Variants in TAFA4 observed in about 807,000 individuals in gnomAD.
TAFA4 encodes the protein chemokine-like protein TAFA-4.
A neutral mutation model predicts 21.1 loss-of-function variants in TAFA4; 20 were observed. The observed-to-expected ratio is 0.95, with a 90% CI of 0.67 to 1.38. TAFA4 has a LOEUF of 1.38. Ranked by LOEUF, TAFA4 falls within the 40% of genes most tolerant of loss-of-function variation. The probability of loss-of-function intolerance (pLI) is 0.00; values close to 1 mark genes in which losing one functional copy is unlikely to be tolerated. For missense variants in TAFA4, 211 were observed against 180.9 expected (o/e 1.17, Z -0.95); for synonymous variants, 71 against 67.4 (o/e 1.05, Z -0.26).
At chr3:68,782,437 C>G (rs189718619) in intron 3 of TAFA4, among the ~76,000 whole-genome samples, 1 of 151,942 alleles carries the variant, frequency 6.6e-6, no homozygotes, top group African/African-American at 2.4e-5. Flanking sequence ...AACTTATACA[C>G]AAATGTTTAT....
In TAFA4 at chr3:68,847,404, G is replaced by T. The variant is rs1353729613; in HGVS notation, c.130+33326C>A. On this transcript the variant is annotated intron_variant, in intron 3 of 5. Transcript: ENST00000295569. The stretch of plus-strand genomic sequence containing the variant: ...GAGCATCCCAGGTCAACTTCAGACT[G>T]CTGTGCTGGCAGCAAGAATTTCAAG... 3.3e-5 allele frequency among the ~76,000 whole-genome samples: 5 copies of T among 152,234 alleles called. 1 individual carries two copies.
intron 3 of TAFA4, among the ~76,000 whole-genome samples, chr3:68,781,298 G>A (rs984362071): frequency 6.6e-6 from 1 of 151,606 alleles, no homozygotes; most frequent in South Asian, 2.1e-4. Context: ...TCAGCATGAA[G>A]CAATGAAAAA....
intron 3 of TAFA4, among the ~76,000 whole-genome samples, chr3:68,860,966 G>A (rs1202411917): frequency 2.6e-5 from 4 of 151,478 alleles, no homozygotes; most frequent in African/African-American, 4.9e-5. Context: ...CAGTTTCTGG[G>A]ACTCTAAAGT....
intron 1 of TAFA4, among the ~76,000 whole-genome samples, chr3:68,909,329 T>C (rs1253344775): frequency 1.3e-5 from 2 of 152,204 alleles, no homozygotes; most frequent in Non-Finnish European, 2.9e-5. Flanking sequence ...TCCATGGCGC[T>C]GAAGAAGTAA....
At chr3:68,767,507 G>T (rs1702877679) in intron 3 of TAFA4, among the ~76,000 whole-genome samples, 1 of 151,926 alleles carries the variant, frequency 6.6e-6, no homozygotes, top group Non-Finnish European at 1.5e-5. Flanking sequence ...TTAACAAGAG[G>T]TTATAAGTAA....
At chr3:68,820,370 G>T (rs763746759) in intron 3 of TAFA4, among the ~76,000 whole-genome samples, 7 of 152,082 alleles carry the variant, frequency 4.6e-5, no homozygotes, top group Non-Finnish European at 5.9e-5. Context: ...AGTTAATAAC[G>T]ATATATTACA....
intron 3 of TAFA4, among the ~76,000 whole-genome samples, chr3:68,815,773 A>G (rs1179714838): frequency 6.6e-6 from 1 of 152,232 alleles, no homozygotes. Flanking sequence ...TCAAGAATCT[A>G]GAACTAGAAA....
rs192437942 is a variant in TAFA4, at chr3:68,906,822, G to A, written c.-122-21512C>T. The stretch of plus-strand genomic sequence containing the variant: ...AGGCGGGTGGATCACCTGAGTGTGG[G>A]AGTTTGAGAGCAGCCTGGGCAACAT... On this transcript the variant is annotated intron_variant, in intron 1 of 5. Coordinates refer to ENST00000295569, the MANE Select transcript of TAFA4 (RefSeq NM_182522.5). 1.4e-3 allele frequency among the ~76,000 whole-genome samples: 218 copies of A among 152,146 alleles called. 1 individual carries two copies. The highest frequency in any genetic ancestry group is 5.1e-3 in the African/African-American group (211 of 41,502).
intron 1 of TAFA4, among the ~76,000 whole-genome samples, chr3:68,916,435 C>T (rs948179752): frequency 6.6e-5 from 10 of 152,136 alleles, no homozygotes; most frequent in African/African-American, 7.2e-5. Context: ...ATTCCAAATC[C>T]GTTGTGTGGT....
Position 68,801,900 on chromosome 3 carries a change from C to G in TAFA4, c.131-48882G>C, listed in dbSNP as rs184198314. On this transcript the variant is annotated intron_variant, in intron 3 of 5. Coordinates refer to ENST00000295569, the MANE Select transcript of TAFA4 (RefSeq NM_182522.5). ...AAAATCCATTAATTTGAATTTTGAACTTGTCCCCTAATCATTCAAATAATT... is the reference window on the plus strand; with the variant it reads ...AAAATCCATTAATTTGAATTTTGAAGTTGTCCCCTAATCATTCAAATAATT... Among the ~76,000 whole-genome samples, 26 of 152,092 alleles carry G rather than the reference C, an allele frequency of 1.7e-4. No individual in the cohort carries two copies. In the East Asian group the frequency reaches 4.9e-3, roughly 28 times the overall value.
At chr3:68,868,576 C>A (rs74904355) in intron 3 of TAFA4, among the ~76,000 whole-genome samples, 3,227 of 151,676 alleles carry the variant, frequency 0.021, 118 homozygotes, top group African/African-American at 0.074. Flanking sequence ...TTGGAATAAA[C>A]GTAGAAATCA....
chr3:68,807,259 G>C (rs1016963050), intron 3 of TAFA4, among the ~76,000 whole-genome samples: 2 of 152,156 alleles, frequency 1.3e-5, no homozygotes, highest in Admixed American at 1.3e-4. Context: ...TTTGAACAAA[G>C]ATTATCAAAA....
At chr3:68,921,032 A>G (rs922095002) in intron 1 of TAFA4, among the ~76,000 whole-genome samples, 23 of 152,140 alleles carry the variant, frequency 1.5e-4, no homozygotes, top group African/African-American at 5.3e-4. Flanking sequence ...GTCGGCAGCC[A>G]GGGAGGAGAA....
intron 4 of TAFA4, among the ~76,000 whole-genome samples, chr3:68,743,801 A>G (rs2106737349): frequency 6.6e-6 from 1 of 152,228 alleles, no homozygotes; most frequent in South Asian, 2.1e-4. Flanking sequence ...GGAGGGTGGT[A>G]CTAGAATCTA....
chr3:68,874,404 GC>G (rs1462123659), intron 3 of TAFA4, among the ~76,000 whole-genome samples: 2 of 151,934 alleles, frequency 1.3e-5, no homozygotes, highest in Admixed American at 6.6e-5. Context: ...TTTTCTTCCT[GC>G]CCCGTCTCTA....
At chr3:68,873,613 A>C (rs1481891189) in intron 3 of TAFA4, among the ~76,000 whole-genome samples, 1 of 152,122 alleles carries the variant, frequency 6.6e-6, no homozygotes, top group Non-Finnish European at 1.5e-5. Context: ...AAGCCTGTAA[A>C]ATGACCACAG....
intron 3 of TAFA4, among the ~76,000 whole-genome samples, chr3:68,808,607 C>T (rs1392297206): frequency 3.3e-5 from 5 of 152,168 alleles, no homozygotes; most frequent in Non-Finnish European, 7.3e-5. Flanking sequence ...ATGACAAATT[C>T]CATTCTTATC....
In TAFA4 at chr3:68,732,451, T is replaced by C. The variant is rs1032788475; in HGVS notation, c.*691A>G. On this transcript the variant is annotated 3_prime_UTR_variant, in exon 6 of 6. Coordinates refer to ENST00000295569, the MANE Select transcript of TAFA4 (RefSeq NM_182522.5). ...TTTGGTTATAAAATATTGGAATTGA[T>C]ATGCTTCCTTAGCACTCAGTAAAAT... 1.2e-4 allele frequency: 19 copies of C among 152,590 alleles called. No individual in the cohort carries two copies. Among genetic ancestry groups the C allele is most frequent in the African/African-American group, 3.9e-4 (16 of 41,438 alleles). 9.5% of individuals were successfully genotyped at this position (152,590 alleles called of 1,614,324 possible).
intron 3 of TAFA4, among the ~76,000 whole-genome samples, chr3:68,820,512 CA>C (rs567643485): frequency 7.5e-5 from 11 of 146,298 alleles, no homozygotes; most frequent in Non-Finnish European, 1.2e-4. Context: ...CTCATCCTAC[CA>C]AAAAAAAAAT....
Sources: gnomAD v4.1 joint callset for allele counts (sites outside exome capture counted in the v4.1 genomes callset) on GRCh38, gnomAD v4.1.1 for gene constraint, MANE v1.5 for transcripts, NCBI Gene and HGNC (gene_info 2026-07-23, HGNC 2026-07-21) for gene names.